DPP6: variants seen among roughly 807,000 people sequenced by gnomAD.
DPP6 encodes dipeptidyl peptidase like 6, also known as A-type potassium channel modulatory protein DPP6.
A neutral mutation model predicts 122.6 loss-of-function variants in DPP6; 69 were observed. The ratio of observed to expected loss-of-function variants is 0.56; its 90% CI spans 0.46 to 0.69. DPP6 has a LOEUF of 0.69. Ranked by LOEUF, DPP6 falls within the 30% of genes least tolerant of loss-of-function variation. DPP6 has a pLI of 0.00. For synonymous variants in DPP6, 418 were observed against 433.1 expected (o/e 0.97, Z 0.43); for missense variants, 928 against 1,116.9 (o/e 0.83, Z 2.41).
intron 1 of DPP6, among the ~76,000 whole-genome samples, chr7:154,041,375 A>G (rs1563124424): frequency 6.6e-6 from 1 of 152,218 alleles, no homozygotes; most frequent in Non-Finnish European, 1.5e-5. Context: ...ACAGGCGGCC[A>G]TATGTGTTTT....
intron 2 of DPP6, among the ~76,000 whole-genome samples, chr7:154,472,073 C>A (rs1822323257): frequency 1.3e-5 from 2 of 152,110 alleles, no homozygotes; most frequent in South Asian, 4.1e-4. Flanking sequence ...CCAGCACAGT[C>A]CAGATGGGAT....
At chr7:154,490,558 G>T (rs115142136) in intron 3 of DPP6, among the ~76,000 whole-genome samples, 2,226 of 152,306 alleles carry the variant, frequency 0.015, 64 homozygotes, top group African/African-American at 0.05. Flanking sequence ...TATTTTTGCT[G>T]TTAGCTTCTC....
the DPP6 span, among the ~76,000 whole-genome samples, chr7:153,866,787 A>T: frequency 6.6e-6 from 1 of 152,164 alleles, no homozygotes; most frequent in Non-Finnish European, 1.5e-5. Context: ...TTTTAGGTCT[A>T]ACATGTAAGT....
intron 1 of DPP6, among the ~76,000 whole-genome samples, chr7:154,251,816 A>C (rs1802366427): frequency 6.6e-6 from 1 of 152,112 alleles, no homozygotes; most frequent in South Asian, 2.1e-4. Flanking sequence ...CCATGCTGGC[A>C]GTTGATTACA....
chr7:154,383,837 C>T (rs1165968101), intron 1 of DPP6, among the ~76,000 whole-genome samples: 1 of 139,792 alleles, frequency 7.2e-6, no homozygotes, highest in African/African-American at 2.6e-5. Flanking sequence ...TTGCAGTGAG[C>T]CAAGATTGTG....
the DPP6 span, among the ~76,000 whole-genome samples, chr7:153,800,855 G>A: frequency 6.6e-6 from 1 of 152,136 alleles, no homozygotes; most frequent in Non-Finnish European, 1.5e-5. Flanking sequence ...AAAATAGCTG[G>A]AAGAAATGAT....
At chr7:154,318,413 G>A (rs983667559) in intron 1 of DPP6, among the ~76,000 whole-genome samples, 1 of 152,112 alleles carries the variant, frequency 6.6e-6, no homozygotes, top group Non-Finnish European at 1.5e-5. Flanking sequence ...AAGTTATTAA[G>A]CCACAAATCA....
intron 1 of DPP6, among the ~76,000 whole-genome samples, chr7:154,000,953 G>C (rs926289142): frequency 2.0e-5 from 3 of 152,186 alleles, no homozygotes; most frequent in African/African-American, 7.2e-5. Context: ...CTAAGGGCGA[G>C]GATAAGGAGA....
intron 1 of DPP6, among the ~76,000 whole-genome samples, chr7:154,381,607 C>T (rs1405696593): frequency 6.6e-6 from 1 of 152,056 alleles, no homozygotes; most frequent in Non-Finnish European, 1.5e-5. Context: ...TTTCTTAATG[C>T]GCTGCTTGTT....
At chr7:153,928,860 T>A (rs1481201290) in intron 1 of DPP6, among the ~76,000 whole-genome samples, 1 of 152,172 alleles carries the variant, frequency 6.6e-6, no homozygotes, top group Non-Finnish European at 1.5e-5. Flanking sequence ...AGAGACAGGA[T>A]AGCCAAGTGG....
At chr7:154,191,513 C>T (rs556233400) in intron 1 of DPP6, among the ~76,000 whole-genome samples, 1 of 152,318 alleles carries the variant, frequency 6.6e-6, no homozygotes, top group African/African-American at 2.4e-5. Context: ...TCCCTTTTCC[C>T]TCTGTGCAGA....
intron 1 of DPP6, among the ~76,000 whole-genome samples, chr7:153,977,569 T>C (rs1397522485): frequency 1.3e-5 from 2 of 152,214 alleles, no homozygotes; most frequent in Admixed American, 1.3e-4. Context: ...TTTACTTTTT[T>C]TATTATACTT....
the DPP6 span, among the ~76,000 whole-genome samples, chr7:153,877,503 T>G: frequency 6.6e-6 from 1 of 152,158 alleles, no homozygotes; most frequent in Non-Finnish European, 1.5e-5. Context: ...AGAACTGCAT[T>G]GTGCTATGGT....
intron 1 of DPP6, among the ~76,000 whole-genome samples, chr7:154,325,525 T>C (rs7791852): frequency 0.71 from 108,403 of 152,082 alleles, 39,004 homozygotes; most frequent in African/African-American, 0.8. Context: ...TCTTTACACG[T>C]TACCCTCAGA....
At chr7:154,805,041 A>G in intron 15 of DPP6, 77 bp downstream of exon 15, 1 of 1,525,154 alleles carries the variant, frequency 6.6e-7, no homozygotes, top group Non-Finnish European at 8.9e-7. Flanking sequence ...GCACCTTTTC[A>G]GCAGTTCGGA....
chr7:153,855,671 C>T, the DPP6 span, among the ~76,000 whole-genome samples: 45 of 152,136 alleles, frequency 3.0e-4, no homozygotes, highest in African/African-American at 1.0e-3. Flanking sequence ...CAGTGTACTT[C>T]TGTGTGTGTT....
At chr7:154,479,716 C>G (rs781663966) in intron 3 of DPP6, among the ~76,000 whole-genome samples, 3 of 151,598 alleles carry the variant, frequency 2.0e-5, no homozygotes, top group Non-Finnish European at 4.4e-5. Flanking sequence ...CCGCATTGCA[C>G]TTCTTAACCT....
chr7:154,887,566 A>G, intron 22 of DPP6, 110 bp from the exon 23 acceptor site: 1 of 1,042,800 alleles, frequency 9.6e-7, no homozygotes, highest in South Asian at 1.3e-5. Flanking sequence ...AGTGGGAATG[A>G]GCCTGAGTCC....
the DPP6 span, among the ~76,000 whole-genome samples, chr7:153,792,737 T>A: frequency 6.8e-6 from 1 of 146,642 alleles, no homozygotes; most frequent in South Asian, 2.2e-4. Context: ...GCACTGATAT[T>A]GTCTGGCTGT....
Sources: allele counts gnomAD v4.1 joint callset (sites outside exome capture counted in the v4.1 genomes callset), GRCh38; gene constraint gnomAD v4.1.1; transcripts MANE v1.5; gene names NCBI Gene and HGNC (gene_info 2026-07-23, HGNC 2026-07-21).